Variants in NAALADL2 observed in about 807,000 individuals in gnomAD.
The protein encoded by NAALADL2 is inactive N-acetylated-alpha-linked acidic dipeptidase-like protein 2.
A neutral mutation model predicts 87.2 loss-of-function variants in NAALADL2; 76 were observed. That is an observed-to-expected ratio of 0.87 (90% confidence interval 0.72 to 1.05). The LOEUF is 1.05. NAALADL2 is among the 50% of genes least tolerant of loss of function. NAALADL2 has a pLI of 0.00. For missense variants in NAALADL2, 1,089 were observed against 945.8 expected (o/e 1.15, Z -1.99); for synonymous variants, 354 against 331.0 (o/e 1.07, Z -0.75).
At chr3:174,477,822 G>A (rs1311837195) in intron 1 of NAALADL2, among the ~76,000 whole-genome samples, 1 of 152,158 alleles carries the variant, frequency 6.6e-6, no homozygotes, top group Non-Finnish European at 1.5e-5. Flanking sequence ...TCATACATAG[G>A]TGAATAATTG....
chr3:175,511,364 C>T (rs1054953845), intron 9 of NAALADL2, among the ~76,000 whole-genome samples: 2 of 152,118 alleles, frequency 1.3e-5, no homozygotes, highest in African/African-American at 4.8e-5. Context: ...AGGCTGTCAG[C>T]CTAGGTTCTA....
chr3:175,569,554 G>A (rs1488750441), intron 9 of NAALADL2, among the ~76,000 whole-genome samples: 1 of 152,030 alleles, frequency 6.6e-6, no homozygotes, highest in Non-Finnish European at 1.5e-5. Flanking sequence ...AAAGTACATA[G>A]GTCATGAGGA....
intron 1 of NAALADL2, among the ~76,000 whole-genome samples, chr3:174,446,548 C>A (rs1182311240): frequency 1.3e-5 from 2 of 152,004 alleles, no homozygotes; most frequent in Non-Finnish European, 2.9e-5. Flanking sequence ...ATAATGCATC[C>A]CTAAGTGATC....
At chr3:175,000,708 G>T (rs922613314) in intron 1 of NAALADL2, among the ~76,000 whole-genome samples, 7 of 152,126 alleles carry the variant, frequency 4.6e-5, no homozygotes, top group Non-Finnish European at 8.8e-5. Context: ...ACTAAAATCA[G>T]ATTTCAGTCA....
chr3:174,489,424 G>T (rs959178572), intron 1 of NAALADL2, among the ~76,000 whole-genome samples: 13 of 151,924 alleles, frequency 8.6e-5, no homozygotes, highest in South Asian at 2.1e-4. Flanking sequence ...ATGACCTTGG[G>T]CTCTGTGATG....
chr3:174,707,518 C>T (rs1412270018), intron 2 of NAALADL2, among the ~76,000 whole-genome samples: 1 of 151,818 alleles, frequency 6.6e-6, no homozygotes. Context: ...AAGCTGGAAA[C>T]CATCATTCTC....
rs114255494 is a variant in NAALADL2, at chr3:175,351,312, T to C, written c.1090+26987T>C. On this transcript the variant is annotated intron_variant, in intron 5 of 13. Coordinates refer to ENST00000454872, the MANE Select transcript of NAALADL2 (RefSeq NM_207015.3). Reference sequence around the variant, plus strand: ...AAGTAAATTGACACTATATATATGTTCATGTGTATATGATAAAAATCTGAT... The same window carrying C: ...AAGTAAATTGACACTATATATATGTCCATGTGTATATGATAAAAATCTGAT... Among the ~76,000 whole-genome samples the C allele has an allele frequency of 3.5e-3, 535 of 152,178 alleles. 8 individuals carry two copies. The highest frequency in any genetic ancestry group is 0.012 in the African/African-American group (512 of 41,532).
At chr3:175,597,017 G>A (rs542469663) in intron 10 of NAALADL2, among the ~76,000 whole-genome samples, 1 of 151,958 alleles carries the variant, frequency 6.6e-6, no homozygotes, top group Non-Finnish European at 1.5e-5. Context: ...ATGTAGAAGG[G>A]TTTAGGGTTT....
At chr3:175,426,080 A>G (rs950054991) in intron 5 of NAALADL2, among the ~76,000 whole-genome samples, 7 of 152,104 alleles carry the variant, frequency 4.6e-5, no homozygotes, top group Admixed American at 1.3e-4. Context: ...GCAATGACTT[A>G]TGGCCGGGTG....
chr3:174,760,761 G>A (rs953581002), intron 3 of NAALADL2, among the ~76,000 whole-genome samples: 3 of 152,176 alleles, frequency 2.0e-5, no homozygotes, highest in Admixed American at 1.3e-4. Flanking sequence ...ATGAACATTA[G>A]CATTCATTTC....
At chr3:175,789,446 A>G (rs1180583163) in intron 13 of NAALADL2, among the ~76,000 whole-genome samples, 1 of 152,204 alleles carries the variant, frequency 6.6e-6, no homozygotes, top group African/African-American at 2.4e-5. Context: ...TTGAAGAATC[A>G]TCTCACAGAC....
rs377268126 is a variant in NAALADL2, at chr3:175,210,805, A to G, written c.546-23126A>G. ...CTCTATTTACCATACTGCCTATGTC[A>G]TTTAAAAAATGTTTTAAATTTCAAA... On this transcript the variant is annotated intron_variant, in intron 2 of 13. Coordinates refer to ENST00000454872, the MANE Select transcript of NAALADL2 (RefSeq NM_207015.3). Among the ~76,000 whole-genome samples the G allele has an allele frequency of 1.1e-4, 17 of 151,932 alleles. 1 individual carries two copies. Among genetic ancestry groups the G allele is most frequent in the South Asian group, 1.0e-3 (5 of 4,820 alleles).
chr3:175,131,778 C>G (rs1298200535), intron 2 of NAALADL2, among the ~76,000 whole-genome samples: 1 of 149,066 alleles, frequency 6.7e-6, no homozygotes, highest in Non-Finnish European at 1.5e-5. Flanking sequence ...GGGGCTGACC[C>G]CCCCACCTCC....
At chr3:175,002,879 A>G (rs1192508570) in intron 1 of NAALADL2, among the ~76,000 whole-genome samples, 2 of 152,214 alleles carry the variant, frequency 1.3e-5, no homozygotes, top group African/African-American at 4.8e-5. Context: ...GGATGTGGTA[A>G]TGCAGCAGGC....
intron 1 of NAALADL2, among the ~76,000 whole-genome samples, chr3:174,934,858 T>A (rs562664427): frequency 1.3e-5 from 2 of 151,750 alleles, no homozygotes; most frequent in East Asian, 3.9e-4. Context: ...ATAGGATACG[T>A]TCAATCATTT....
chr3:175,716,825 G>A (rs1162304160), intron 11 of NAALADL2, among the ~76,000 whole-genome samples: 1 of 152,090 alleles, frequency 6.6e-6, no homozygotes, highest in Non-Finnish European at 1.5e-5. Flanking sequence ...TTTTGGAGGA[G>A]TCTAATTTTA....
Position 175,015,078 on chromosome 3 carries a change from T to C in NAALADL2, c.44-81712T>C, listed in dbSNP as rs745792201. On this transcript the variant is annotated intron_variant, in intron 1 of 13. Coordinates refer to ENST00000454872, the MANE Select transcript of NAALADL2 (RefSeq NM_207015.3). ...GGATTACAAACAAGTCAATTGTGCA[T>C]CATTTCATGGAAGCGTAGACATATA... is the stretch of plus-strand genomic sequence containing the variant. Among the ~76,000 whole-genome samples the C allele has an allele frequency of 3.5e-4, 53 of 152,094 alleles. 1 individual carries two copies. Among genetic ancestry groups the C allele is most frequent in the Non-Finnish European group, 5.6e-4 (38 of 68,002 alleles).
intron 8 of NAALADL2, among the ~76,000 whole-genome samples, chr3:175,471,213 C>T (rs1017540509): frequency 7.9e-5 from 12 of 151,732 alleles, no homozygotes; most frequent in East Asian, 5.8e-4. Context: ...TGGCCGGGTG[C>T]GGTGGCTCAC....
At chr3:174,846,763 A>T (rs908407715) in intron 3 of NAALADL2, among the ~76,000 whole-genome samples, 14 of 152,136 alleles carry the variant, frequency 9.2e-5, no homozygotes, top group Admixed American at 9.2e-4. Flanking sequence ...AGCAGGATAA[A>T]AAATTTTGCT....
Sources: allele counts gnomAD v4.1 joint callset (sites outside exome capture counted in the v4.1 genomes callset), GRCh38; gene constraint gnomAD v4.1.1; transcripts MANE v1.5; gene names NCBI Gene and HGNC (gene_info 2026-07-23, HGNC 2026-07-21).